Variants in HELZ observed in about 807,000 individuals in gnomAD.
HELZ encodes ATP-dependent RNA helicase with zinc finger domain.
In HELZ, 23 loss-of-function variants were observed where a neutral mutation model predicts 218.2. That is an observed-to-expected ratio of 0.11 (90% CI 0.08 to 0.15). The LOEUF is 0.15. Ranked by LOEUF, HELZ falls within the 10% of genes least tolerant of loss-of-function variation. HELZ has a pLI of 1.00. For synonymous variants in HELZ, 814 were observed against 829.4 expected, an observed-to-expected ratio of 0.98 and a Z score of 0.32; for missense variants, 1,813 against 2,353.7, an observed-to-expected ratio of 0.77 and a Z score of 4.75.
chr17:67,198,422 T>C (rs2040086508), intron 7 of HELZ, among the ~76,000 whole-genome samples: 1 of 152,192 alleles, frequency 6.6e-6, no homozygotes, highest in Non-Finnish European at 1.5e-5. Context: ...GGCTAAGTAT[T>C]TAGCAGTCCT....
At chr17:67,154,237 G>A (rs982981473) in intron 17 of HELZ, among the ~76,000 whole-genome samples, 1 of 152,176 alleles carries the variant, frequency 6.6e-6, no homozygotes, top group African/African-American at 2.4e-5. Context: ...AGACCAGCCT[G>A]GCCAACATGG....
In HELZ at chr17:67,108,486, G is replaced by T; in HGVS notation, c.4724+6C>A. ...TCCAGGGGCTATTTTCAGTCCGCTGGAATACCTTGAGTATGTGGTCTCCAC... is the reference window on the plus strand; with the variant it reads ...TCCAGGGGCTATTTTCAGTCCGCTGTAATACCTTGAGTATGTGGTCTCCAC... On this transcript the variant is annotated splice_donor_region_variant and intron_variant, in intron 30 of 32. Transcript: ENST00000358691. The surrounding 1 kb of genome is among the most constrained non-coding windows in gnomAD (Gnocchi z 4.1). The T allele has an allele frequency of 6.2e-7, 1 of 1,608,922 alleles. No individual in the cohort carries two copies. Among genetic ancestry groups the T allele is most frequent in the Non-Finnish European group, 8.5e-7 (1 of 1,175,528 alleles).
At chr17:67,178,472 G>T (rs1567867082) in intron 13 of HELZ, among the ~76,000 whole-genome samples, 187 bp downstream of exon 13, 1 of 152,090 alleles carries the variant, frequency 6.6e-6, no homozygotes, top group Non-Finnish European at 1.5e-5. Flanking sequence ...AAATAACAGG[G>T]ATACCATGGT....
chr17:67,080,392 C>T (rs1453456366), intron 32 of HELZ, among the ~76,000 whole-genome samples: 2 of 152,098 alleles, frequency 1.3e-5, no homozygotes, highest in Non-Finnish European at 1.5e-5. Context: ...TCTTTGAAGT[C>T]CTCCTTCTTT....
rs34752223 is a variant in HELZ at position 67,089,696 on chromosome 17, G to GAGAGAGAGAGAGAGAGAGAGAGAGAC, written c.5242-2616_5242-2615insGTCTCTCTCTCTCTCTCTCTCTCTCT. Among the ~76,000 whole-genome samples, 188 of 122,568 alleles carry GAGAGAGAGAGAGAGAGAGAGAGAGAC rather than the reference G, an allele frequency of 1.5e-3. 3 individuals carry two copies. The highest frequency in any genetic ancestry group is 4.3e-3 in the Middle Eastern group (1 of 234). The allele number at this position is 122,568 out of a possible 152,430, so 80.4% of individuals were successfully genotyped here. ...AGAGAGAGAGAGAGAGAGAGAGAGA[G>GAGAGAGAGAGAGAGAGAGAGAGAGAC]AGAGACAGAGAGACAGAGAGAGAGA... On this transcript the variant is annotated intron_variant, in intron 31 of 32. Transcript: ENST00000358691.
At chr17:67,137,624 C>A (rs2038193601) in intron 22 of HELZ, among the ~76,000 whole-genome samples, 1 of 152,130 alleles carries the variant, frequency 6.6e-6, no homozygotes, top group Admixed American at 6.6e-5. Flanking sequence ...TCCTCAGATA[C>A]CGTATAACAG....
intron 24 of HELZ, among the ~76,000 whole-genome samples, chr17:67,127,106 A>C (rs555996087): frequency 1.6e-4 from 24 of 152,294 alleles, no homozygotes; most frequent in Non-Finnish European, 2.6e-4. Context: ...AGTTTTTGAC[A>C]TGTTTCCCCA....
Position 67,167,777 on chromosome 17 carries a change from A to G in HELZ, c.1450T>C (p.Leu484=). 1 of 1,610,198 alleles carries G rather than the reference A, an allele frequency of 6.2e-7. No individual in the cohort carries two copies. Among genetic ancestry groups the G allele is most frequent in the Non-Finnish European group, 8.5e-7 (1 of 1,177,240 alleles). Residue 484 remains leucine (L), a synonymous_variant, in exon 14 of 33, where the codon TTG becomes CTG. Transcript: ENST00000358691. ...EISKFNLKVQ[L]QILASFMLTG... Reference sequence around the variant, plus strand: ...AGCATGAAGCTTGCCAGAATCTGCAATTGCACTTTAAGGTTGAACCTAAAC... The same window carrying G: ...AGCATGAAGCTTGCCAGAATCTGCAGTTGCACTTTAAGGTTGAACCTAAAC...
Position 67,178,724 on chromosome 17 carries a change from G to A in HELZ, c.1365C>T (p.Asn455=). Residue 455 remains asparagine (N), a synonymous_variant, in exon 13 of 33, where the codon AAC becomes AAT. Coordinates refer to ENST00000358691, the MANE Select transcript of HELZ (RefSeq NM_014877.4). ...GAAGGTCATGTAACCGTGACTGATA[G>A]TTGCTCTTGGTCAATGATTTGTCTA... is the stretch of plus-strand genomic sequence containing the variant. ...SVLDKSLTKS[N]YQSRLHDLLY... 6.2e-7 allele frequency: 1 copy of A among 1,613,796 alleles called. No individual in the cohort carries two copies. Among genetic ancestry groups the A allele is most frequent in the Non-Finnish European group, 8.5e-7 (1 of 1,179,770 alleles).
chr17:67,171,109 G>C (rs2039298280), intron 13 of HELZ, among the ~76,000 whole-genome samples: 1 of 151,092 alleles, frequency 6.6e-6, no homozygotes, highest in African/African-American at 2.4e-5. Flanking sequence ...CTTCTGTATG[G>C]TAATACTCTC....
intron 3 of HELZ, among the ~76,000 whole-genome samples, chr17:67,231,139 T>C (rs991329783): frequency 2.0e-5 from 3 of 151,878 alleles, no homozygotes; most frequent in East Asian, 1.9e-4. Flanking sequence ...AAAACTGTCA[T>C]GAAAAACAAA....
At chr17:67,243,195 A>G (rs2041373147) in intron 2 of HELZ, among the ~76,000 whole-genome samples, 1 of 152,258 alleles carries the variant, frequency 6.6e-6, no homozygotes, top group Admixed American at 6.5e-5. Flanking sequence ...TGATCAGGAC[A>G]TAATGACAAA....
chr17:67,110,320 C>T (rs1355540090), intron 28 of HELZ, among the ~76,000 whole-genome samples: 1 of 152,124 alleles, frequency 6.6e-6, no homozygotes, highest in Admixed American at 6.5e-5. Context: ...CCGCCTGCCT[C>T]GGCCTCCCAA....
At chr17:67,147,366 C>A (rs1252712205) in intron 20 of HELZ, among the ~76,000 whole-genome samples, 1 of 152,164 alleles carries the variant, frequency 6.6e-6, no homozygotes, top group Non-Finnish European at 1.5e-5. Context: ...TTGTTACAGT[C>A]TTTTGTTATA....
chr17:67,229,284 A>C (rs1316856300), intron 3 of HELZ, among the ~76,000 whole-genome samples: 1 of 152,186 alleles, frequency 6.6e-6, no homozygotes, highest in Admixed American at 6.5e-5. Context: ...CCAAGTACAC[A>C]GTCAGGCCTC....
At chr17:67,195,563 G>C in intron 7 of HELZ, 93 bp from the exon 8 acceptor site, 1 of 724,900 alleles carries the variant, frequency 1.4e-6, no homozygotes, top group Non-Finnish European at 2.4e-6. Flanking sequence ...CAAAGGTGAA[G>C]TTGGAATACT....
chr17:67,130,525 G>C (rs9914426), intron 23 of HELZ, among the ~76,000 whole-genome samples: 75,277 of 151,902 alleles, frequency 0.5, 19,442 homozygotes, highest in East Asian at 0.88. Context: ...CTGGAAATGT[G>C]TGTTGCCAGG....
chr17:67,076,516 G>C lies in HELZ; in HGVS notation c.*1736C>G, dbSNP rs1399104691. 1 of 152,316 alleles carries C rather than the reference G, an allele frequency of 6.6e-6. No individual in the cohort carries two copies. Among genetic ancestry groups the C allele is most frequent in the East Asian group, 1.9e-4 (1 of 5,198 alleles). 9.4% of individuals were successfully genotyped at this position (152,316 alleles called of 1,614,324 possible). The stretch of plus-strand genomic sequence containing the variant: ...AGAGACCCACAGCCTGGAACGCAAA[G>C]CCACACACAAATGAACCGCACTCTT... On this transcript the variant is annotated 3_prime_UTR_variant, in exon 33 of 33. Transcript: ENST00000358691.
chr17:67,235,466 C>T (rs562660316), intron 3 of HELZ, among the ~76,000 whole-genome samples: 1 of 151,286 alleles, frequency 6.6e-6, no homozygotes, highest in African/African-American at 2.4e-5. Context: ...GATCGTGTCA[C>T]TGTACTCCAG....
Sources: allele counts gnomAD v4.1 joint callset (sites outside exome capture counted in the v4.1 genomes callset), GRCh38; gene constraint gnomAD v4.1.1; non-coding constraint Gnocchi (gnomAD v3.1); transcripts MANE v1.5; gene names NCBI Gene and HGNC (gene_info 2026-07-23, HGNC 2026-07-21).